Variants in KIFC1 observed in about 807,000 individuals in gnomAD.
KIFC1 encodes kinesin-like protein KIFC1.
Under a neutral mutation model 66.6 loss-of-function variants are expected in KIFC1, and 37 were observed. That is an observed-to-expected ratio of 0.56 (90% CI 0.43 to 0.73). KIFC1 has a LOEUF of 0.73. KIFC1 is among the 30% of genes least tolerant of loss of function. The pLI is 0.00. For synonymous variants in KIFC1, 325 were observed against 343.5 expected, an observed-to-expected ratio of 0.95 and a Z score of 0.60; for missense variants, 721 against 859.8, an observed-to-expected ratio of 0.84 and a Z score of 2.02.
Position 33,401,950 on chromosome 6 carries a change from C to T in KIFC1, c.251-1364C>T, listed in dbSNP as rs529408887. On this transcript the variant is annotated intron_variant, in intron 3 of 10. Coordinates refer to ENST00000428849, the MANE Select transcript of KIFC1 (RefSeq NM_002263.4). The surrounding 1 kb of genome is among the most constrained non-coding windows in gnomAD (Gnocchi z 4.5). ...TCAATCTCCTGACCCCTTGATCTGCCCACCTCGGCCTCCCAAAGTGCTGGG... is the reference window on the plus strand; with the variant it reads ...TCAATCTCCTGACCCCTTGATCTGCTCACCTCGGCCTCCCAAAGTGCTGGG... 3.9e-5 allele frequency among the ~76,000 whole-genome samples: 6 copies of T among 152,290 alleles called. No homozygotes were observed. The highest frequency in any genetic ancestry group is 1.4e-4 in the African/African-American group (6 of 41,552).
At position 33,406,810 on chromosome 6, in the gene KIFC1, G is replaced by A. The variant is rs745798036; in HGVS notation, c.1912G>A (p.Val638Met). 1 of 1,614,130 alleles carries A rather than the reference G, an allele frequency of 6.2e-7. No individual in the cohort carries two copies. Among genetic ancestry groups the A allele is most frequent in the South Asian group, 1.1e-5 (1 of 91,082 alleles). Reference protein sequence around the residue: ...LGGSAKMLMFVNISPLEENVS... With the variant: ...LGGSAKMLMFMNISPLEENVS... ...ATTGTCTTTTCATAGGCTCATGTTT[G>A]TGAACATTTCTCCACTGGAAGAGAA... The change falls in exon 10 of 11, where the codon GTG (valine) becomes ATG (methionine). Residue 638 changes from valine (V) to methionine (M), a missense_variant. Transcript: ENST00000428849. This position sits in a 1 kb window ranked among gnomAD's most constrained non-coding sequence, Gnocchi z 4.5.
In KIFC1 at chr6:33,400,873, C is replaced by T. The variant is rs909737338; in HGVS notation, c.251-2441C>T. On this transcript the variant is annotated intron_variant, in intron 3 of 10. Transcript: ENST00000428849. This position sits in a 1 kb window ranked among gnomAD's most constrained non-coding sequence, Gnocchi z 4.3. ...TTCACCATGTTAGCCAGGATGGTCT[C>T]GATCTCCTGACCTCGTGATCTGCCT... 6.6e-6 allele frequency among the ~76,000 whole-genome samples: 1 copy of T among 152,176 alleles called. No individual in the cohort carries two copies. Among genetic ancestry groups the T allele is most frequent in the South Asian group, 2.1e-4 (1 of 4,834 alleles).
rs1581913316 is a variant in KIFC1 at position 33,400,600 on chromosome 6, C to T, written c.250+2213C>T. On this transcript the variant is annotated intron_variant, in intron 3 of 10. Coordinates refer to ENST00000428849, the MANE Select transcript of KIFC1 (RefSeq NM_002263.4). This position sits in a 1 kb window ranked among gnomAD's most constrained non-coding sequence, Gnocchi z 4.3. ...CGGATGAACCCAGATTCAGGATGAC[C>T]GAAGAAAGTTGCACCTTGGCCTCCT... 13 of 1,041,986 alleles carry T rather than the reference C, an allele frequency of 1.2e-5. No homozygotes were observed. The highest frequency in any genetic ancestry group is 4.0e-5 in the South Asian group (3 of 74,108). The allele number at this position is 1,041,986 out of a possible 1,614,324, so 64.5% of individuals were successfully genotyped here. A position where few individuals can be genotyped will look rare whatever the true frequency, so the allele number is the denominator to read the frequency against.
chr6:33,404,097 A>C lies in KIFC1; in HGVS notation c.724A>C (p.Arg242=). ...ACAGGTGGAATTGCAGGAAGAACGG[A>C]GGGGACTGATGTCCCAACTAGAGGA... is the stretch of plus-strand genomic sequence containing the variant. ...KKQVELQEER[R]GLMSQLEEKE... is the part of the protein sequence containing the mutation. The change falls in exon 6 of 11, where the codon AGG becomes CGG. Residue 242 remains arginine (R), a synonymous_variant. Coordinates refer to ENST00000428849, the MANE Select transcript of KIFC1 (RefSeq NM_002263.4). This position sits in a 1 kb window ranked among gnomAD's most constrained non-coding sequence, Gnocchi z 4.0. 6.2e-7 allele frequency: 1 copy of C among 1,613,826 alleles called. No homozygotes were observed. Among genetic ancestry groups the C allele is most frequent in the Non-Finnish European group, 8.5e-7 (1 of 1,179,854 alleles).
rs777698079 is a variant in KIFC1, at chr6:33,403,828, G to A, written c.455G>A (p.Arg152Gln). ...QLCDLNAELK[R>Q]CRERTQTLDQ... is the part of the protein sequence containing the mutation. The stretch of plus-strand genomic sequence containing the variant: ...TGTGACCTAAATGCAGAACTAAAAC[G>A]GTGCCGTGAGAGGACTCAAACGTTG... Residue 152 changes from arginine (R) to glutamine (Q), a missense_variant, in exon 6 of 11, where the codon CGG (arginine) becomes CAG (glutamine). Arg to Gln is a conservative substitution (Grantham distance 43, BLOSUM62 1). Coordinates refer to ENST00000428849, the MANE Select transcript of KIFC1 (RefSeq NM_002263.4). This position sits in a 1 kb window ranked among gnomAD's most constrained non-coding sequence, Gnocchi z 4.6. 9.9e-6 allele frequency: 16 copies of A among 1,614,136 alleles called. No individual in the cohort carries two copies. In the South Asian group the frequency reaches 1.2e-4, roughly 12 times the overall value.
At position 33,400,575 on chromosome 6, in the gene KIFC1, CG is replaced by C; in HGVS notation, c.250+2190del. 1 of 1,251,924 alleles carries C rather than the reference CG, an allele frequency of 8.0e-7. No homozygotes were observed. The highest frequency in any genetic ancestry group is 1.2e-6 in the Non-Finnish European group (1 of 868,320). The allele number at this position is 1,251,924 out of a possible 1,614,324, so 77.6% of individuals were successfully genotyped here. ...GTGGCATGGTGGAGGCAGCTGGTGT[CG>C]GATGAACCCAGATTCAGGATGACCG... On this transcript the variant is annotated intron_variant, in intron 3 of 10. Transcript: ENST00000428849. This position sits in a 1 kb window ranked among gnomAD's most constrained non-coding sequence, Gnocchi z 4.3.
chr6:33,394,502 C>T (rs1297852238), intron 1 of KIFC1, among the ~76,000 whole-genome samples: 1 of 151,948 alleles, frequency 6.6e-6, no homozygotes, highest in East Asian at 1.9e-4. Flanking sequence ...TTTTTTGATA[C>T]GGAGTCTCTC....
At chr6:33,396,987 CTTTTTTTTT>C (rs9282514) in intron 1 of KIFC1, among the ~76,000 whole-genome samples, 8 of 89,204 alleles carry the variant, frequency 9.0e-5, no homozygotes, top group Non-Finnish European at 1.2e-4. Context: ...TGGCCAAGTT[CTTTTTTTTT>C]TTTTTTTTTT....
rs1252542204 is a variant in KIFC1, at chr6:33,406,344, G to A, written c.1685G>A (p.Ser562Asn). Residue 562 changes from serine to asparagine, a missense_variant, in exon 8 of 11, where the codon AGT (serine) becomes AAT (asparagine). By Grantham distance (46) the Ser-to-Asn change is conservative (BLOSUM62 1). Transcript: ENST00000428849. The surrounding 1 kb of genome is among the most constrained non-coding windows in gnomAD (Gnocchi z 4.5). ...GGCCTGCAGTGTGGGGCCCCCCTCAGTCTTGTGGACCTGGCCGGGAGTGAG... is the reference window on the plus strand; with the variant it reads ...GGCCTGCAGTGTGGGGCCCCCCTCAATCTTGTGGACCTGGCCGGGAGTGAG... The part of the protein sequence containing the change: ...SRGLQCGAPL[S>N]LVDLAGSERL... 6.2e-7 allele frequency: 1 copy of A among 1,614,236 alleles called. No homozygotes were observed. The highest frequency in any genetic ancestry group is 8.5e-7 in the Non-Finnish European group (1 of 1,180,044).
In KIFC1 at chr6:33,391,860, G is replaced by A. The variant is rs559153747; in HGVS notation, c.-126G>A. On this transcript the variant is annotated 5_prime_UTR_variant, in exon 1 of 11. Coordinates refer to ENST00000428849, the MANE Select transcript of KIFC1 (RefSeq NM_002263.4). ...TGGCGGGTGTGGCGCGGGGCTGGTA[G>A]CGGCCGGAGCCGTGCGAGTTCTCTA... 17 of 1,156,168 alleles carry A rather than the reference G, an allele frequency of 1.5e-5. No individual in the cohort carries two copies. The African/African-American group carries it at 2.6e-4, about 17-fold the overall frequency. 71.6% of individuals were successfully genotyped at this position (1,156,168 alleles called of 1,614,324 possible). A position where few individuals can be genotyped will look rare whatever the true frequency, so the allele number is the denominator to read the frequency against.
rs201887681 is a variant in KIFC1, at chr6:33,405,041, C to G, written c.946C>G (p.Arg316Gly). The G allele has an allele frequency of 1.2e-6, 2 of 1,614,082 alleles. No homozygotes were observed. Among genetic ancestry groups the G allele is most frequent in the Non-Finnish European group, 1.7e-6 (2 of 1,179,992 alleles). Reference protein sequence around the residue: ...ELKGNIRVFCRVRPVLPGEPT... With the variant: ...ELKGNIRVFCGVRPVLPGEPT... ...CAAGGGCAACATCCGTGTATTCTGC[C>G]GGGTCCGCCCTGTCCTGCCGGGGGA... Residue 316 changes from arginine (R) to glycine (G), a missense_variant, in exon 7 of 11, where the codon CGG (arginine) becomes GGG (glycine). Physicochemically the swap from Arg to Gly is moderately radical, Grantham distance 125. Coordinates refer to ENST00000428849, the MANE Select transcript of KIFC1 (RefSeq NM_002263.4). The surrounding 1 kb of genome is among the most constrained non-coding windows in gnomAD (Gnocchi z 5.4).
upstream of KIFC1, chr6:33,391,821 T>C (rs2151078379): frequency 1.2e-6 from 1 of 812,328 alleles, no homozygotes; most frequent in African/African-American, 1.7e-5. Flanking sequence ...GTGGTGGCCG[T>C]TGGAATTCAA....
chr6:33,409,737 G>T lies in KIFC1; in HGVS notation c.*47G>T. 7.3e-7 allele frequency: 1 copy of T among 1,364,972 alleles called. No homozygotes were observed. Among genetic ancestry groups the T allele is most frequent in the Non-Finnish European group, 1.0e-6 (1 of 979,880 alleles). The allele number at this position is 1,364,972 out of a possible 1,614,324, so 84.6% of individuals were successfully genotyped here. A position where few individuals can be genotyped will look rare whatever the true frequency, so the allele number is the denominator to read the frequency against. ...TGTGTGTGTGTGTGTGTGTGTGTGTGTGTGTGTGTGTGTGTGTCCCTATGT... is the reference window on the plus strand; with the variant it reads ...TGTGTGTGTGTGTGTGTGTGTGTGTTTGTGTGTGTGTGTGTGTCCCTATGT... On this transcript the variant is annotated 3_prime_UTR_variant, in exon 11 of 11. Transcript: ENST00000428849.
chr6:33,396,553 C>A (rs894421661), intron 1 of KIFC1, among the ~76,000 whole-genome samples: 2 of 151,526 alleles, frequency 1.3e-5, no homozygotes, highest in African/African-American at 2.4e-5. Flanking sequence ...AGCCATCCTC[C>A]CACCTCAGCC....
At chr6:33,391,632 A>G, upstream of KIFC1, 1 of 467,838 alleles carries the variant, frequency 2.1e-6, no homozygotes, top group Non-Finnish European at 3.9e-6. Flanking sequence ...AGGGGTGAGA[A>G]GCATAAGTGG....
rs1775536460 is a variant in KIFC1, at chr6:33,404,445, T to C, written c.756+316T>C. On this transcript the variant is annotated intron_variant, in intron 6 of 10. Transcript: ENST00000428849. This position sits in a 1 kb window ranked among gnomAD's most constrained non-coding sequence, Gnocchi z 4.0. Reference sequence around the variant, plus strand: ...ATCACAAATTCCTGTGGTACTCTCTTTCCCTCCTCCCATGTCCACTTGACT... The same window carrying C: ...ATCACAAATTCCTGTGGTACTCTCTCTCCCTCCTCCCATGTCCACTTGACT... 6.6e-6 allele frequency among the ~76,000 whole-genome samples: 1 copy of C among 152,166 alleles called. No homozygotes were observed. The highest frequency in any genetic ancestry group is 6.5e-5 in the Admixed American group (1 of 15,278).
Position 33,405,686 on chromosome 6 carries a change from A to C in KIFC1, c.1536+55A>C. On this transcript the variant is annotated intron_variant, in intron 7 of 10. Coordinates refer to ENST00000428849, the MANE Select transcript of KIFC1 (RefSeq NM_002263.4). This position sits in a 1 kb window ranked among gnomAD's most constrained non-coding sequence, Gnocchi z 5.4. ...AATGGGGAGGAGTGGGCAGGGTGCC[A>C]CGAGATGGAGGTAGAGGGAGAAAGG... 7.0e-7 allele frequency: 1 copy of C among 1,431,972 alleles called. No individual in the cohort carries two copies. Among genetic ancestry groups the C allele is most frequent in the African/African-American group, 1.4e-5 (1 of 70,420 alleles). 88.7% of individuals were successfully genotyped at this position (1,431,972 alleles called of 1,614,324 possible). A position where few individuals can be genotyped will look rare whatever the true frequency, so the allele number is the denominator to read the frequency against.
chr6:33,391,522 C>T (rs1774777351), upstream of KIFC1: 1 of 223,944 alleles, frequency 4.5e-6, no homozygotes, highest in Non-Finnish European at 9.1e-6. Context: ...TTTCGCTTGG[C>T]CAGTTGCGTT....
rs777916508 is a variant in KIFC1 at position 33,406,406 on chromosome 6, C to A, written c.1747C>A (p.Arg583=). The part of the protein sequence containing the change: ...DPGLALGPGE[R]ERLRETQAIN... ...CGGCTTAGCCCTCGGCCCCGGGGAG[C>A]GGGAACGCCTTCGGGAAACACAGGC... The change falls in exon 8 of 11, where the codon CGG becomes AGG. Residue 583 remains arginine (R), a synonymous_variant. Coordinates refer to ENST00000428849, the MANE Select transcript of KIFC1 (RefSeq NM_002263.4). The surrounding 1 kb of genome is among the most constrained non-coding windows in gnomAD (Gnocchi z 4.5). 1.2e-5 allele frequency: 20 copies of A among 1,609,240 alleles called. 1 individual carries two copies. The East Asian group carries it at 3.8e-4, about 31-fold the overall frequency.
Sources: allele counts gnomAD v4.1 joint callset (sites outside exome capture counted in the v4.1 genomes callset), GRCh38; gene constraint gnomAD v4.1.1; non-coding constraint Gnocchi (gnomAD v3.1); transcripts MANE v1.5; gene names NCBI Gene and HGNC (gene_info 2026-07-23, HGNC 2026-07-21).